Variants in KCTD5 observed in about 807,000 individuals in gnomAD.
KCTD5 encodes the protein potassium channel tetramerization domain containing 5.
A neutral mutation model predicts 27.9 loss-of-function variants in KCTD5; 12 were observed. The ratio of observed to expected loss-of-function variants is 0.43; its 90% CI spans 0.28 to 0.70. The LOEUF (loss-of-function observed/expected upper bound fraction) is 0.70. Ranked by LOEUF, KCTD5 falls within the 30% of genes least tolerant of loss-of-function variation. The pLI, the probability that KCTD5 is intolerant of heterozygous loss-of-function variation, is 0.19. For synonymous variants in KCTD5, 147 were observed against 121.4 expected, an observed-to-expected ratio of 1.21 and a Z score of -1.39; for missense variants, 226 against 274.8, an observed-to-expected ratio of 0.82 and a Z score of 1.26.
intron 3 of KCTD5, chr16:2,699,010 C>G (rs1256477945): frequency 5.0e-6 from 2 of 403,888 alleles, no homozygotes; most frequent in South Asian, 3.6e-5. Context: ...TAGCATCTCA[C>G]TGTCTTGCAG....
intron 2 of KCTD5, chr16:2,697,202 A>T (rs1049198208): frequency 6.6e-6 from 1 of 152,442 alleles, no homozygotes; most frequent in Non-Finnish European, 1.5e-5. Flanking sequence ...CTGAGCTGCC[A>T]TGTGCCATAT....
At position 2,682,534 on chromosome 16, in the gene KCTD5, G is replaced by C; in HGVS notation, c.-15G>C. 7.2e-7 allele frequency: 1 copy of C among 1,392,266 alleles called. No individual in the cohort carries two copies. Among genetic ancestry groups the C allele is most frequent in the Non-Finnish European group, 9.3e-7 (1 of 1,074,602 alleles). The allele number at this position is 1,392,266 out of a possible 1,614,324, so 86.2% of individuals were successfully genotyped here. A position where few individuals can be genotyped will look rare whatever the true frequency, so the allele number is the denominator to read the frequency against. ...CTTCCGGTGGAAGGGAGCTGTTGCG[G>C]GGCTTGCTGGGATCATGGCGGAGAA... On this transcript the variant is annotated 5_prime_UTR_variant, in exon 1 of 6. Transcript: ENST00000301738.
chr16:2,693,417 G>T (rs11642384), intron 1 of KCTD5, among the ~76,000 whole-genome samples: 14,799 of 152,310 alleles, frequency 0.097, 849 homozygotes, highest in Middle Eastern at 0.2. Context: ...GCCTCCTAAA[G>T]GGGGTGTTTA....
chr16:2,687,619 G>A lies in KCTD5; in HGVS notation c.252+4819G>A, dbSNP rs575976794. On this transcript the variant is annotated intron_variant, in intron 1 of 5. Transcript: ENST00000301738. Reference sequence around the variant, plus strand: ...GTCACGGAGTGAGGTCTAAAGCCTCGCCAGGGCTGTGGCCGTGATGGGGGC... The same window carrying A: ...GTCACGGAGTGAGGTCTAAAGCCTCACCAGGGCTGTGGCCGTGATGGGGGC... Among the ~76,000 whole-genome samples the A allele has an allele frequency of 4.6e-5, 7 of 152,350 alleles. No homozygotes were observed. The East Asian group carries it at 9.6e-4, about 21-fold the overall frequency.
intron 3 of KCTD5, among the ~76,000 whole-genome samples, chr16:2,698,446 G>A (rs941423258): frequency 6.6e-6 from 1 of 152,220 alleles, no homozygotes; most frequent in Non-Finnish European, 1.5e-5. Context: ...GAAGAGGGGC[G>A]GCTCGCCACA....
intron 3 of KCTD5, 69 bp downstream of exon 3, chr16:2,698,066 C>T (rs1429755094): frequency 1.2e-5 from 14 of 1,123,792 alleles, no homozygotes; most frequent in African/African-American, 7.8e-5. Flanking sequence ...TTTACTCCCC[C>T]GACCGGCTGC....
At position 2,695,472 on chromosome 16, in the gene KCTD5, T is replaced by C. The variant is rs1296115022; in HGVS notation, c.253-463T>C. ...AGCCCCTGTCACCCTGACCCCCGGT[T>C]CCTGCATGTAGGCTGCGGAGGACCC... On this transcript the variant is annotated intron_variant, in intron 1 of 5. Transcript: ENST00000301738. Among the ~76,000 whole-genome samples, 5 of 125,402 alleles carry C rather than the reference T, an allele frequency of 4.0e-5. 1 individual carries two copies. In the South Asian group the frequency reaches 9.8e-4, roughly 24 times the overall value. 82.3% of individuals were successfully genotyped at this position (125,402 alleles called of 152,430 possible). A position where few individuals can be genotyped will look rare whatever the true frequency, so the allele number is the denominator to read the frequency against.
chr16:2,706,640 G>A (rs989905050), intron 5 of KCTD5, among the ~76,000 whole-genome samples: 4 of 152,014 alleles, frequency 2.6e-5, no homozygotes, highest in Non-Finnish European at 4.4e-5. Context: ...GGTACCTTGA[G>A]GAAGAGTTTT....
intron 1 of KCTD5, among the ~76,000 whole-genome samples, chr16:2,688,228 A>ATAT (rs2067549785): frequency 6.7e-4 from 57 of 84,558 alleles, no homozygotes; most frequent in African/African-American, 2.1e-3. Flanking sequence ...TAAATAAATA[A>ATAT]ATATATATAT....
intron 4 of KCTD5, among the ~76,000 whole-genome samples, chr16:2,700,811 C>CCA (rs1555454848): frequency 1.3e-5 from 2 of 151,978 alleles, no homozygotes; most frequent in Admixed American, 6.6e-5. Context: ...GAGCCCCCCC[C>CCA]CCCTTAAAAT....
intron 1 of KCTD5, chr16:2,684,561 C>A (rs1187698654): frequency 6.6e-6 from 1 of 150,748 alleles, no homozygotes; most frequent in Non-Finnish European, 1.5e-5. Flanking sequence ...GTCAGGAGAT[C>A]GAGACCATCC....
intron 1 of KCTD5, among the ~76,000 whole-genome samples, chr16:2,687,384 G>A (rs1400794153): frequency 6.6e-6 from 1 of 152,232 alleles, no homozygotes; most frequent in Non-Finnish European, 1.5e-5. Flanking sequence ...GTGGCTGGGA[G>A]GAAATGCTGT....
At chr16:2,697,398 G>A in intron 2 of KCTD5, 1 of 154,740 alleles carries the variant, frequency 6.5e-6, no homozygotes, top group Non-Finnish European at 1.4e-5. Flanking sequence ...TCTTCCCTTT[G>A]AATGGGGTCA....
intron 1 of KCTD5, 98 bp downstream of exon 1, chr16:2,682,898 G>T: frequency 7.2e-7 from 1 of 1,397,528 alleles, no homozygotes. Context: ...CAGCGGGAGC[G>T]GGCGACTCTC....
chr16:2,697,433 A>G (rs1253193984), intron 2 of KCTD5, among the ~76,000 whole-genome samples: 4 of 152,234 alleles, frequency 2.6e-5, no homozygotes, highest in African/African-American at 9.6e-5. Flanking sequence ...TGACTGAGAC[A>G]TATGCACAAG....
Position 2,700,812 on chromosome 16 carries a change from C to G in KCTD5, c.549+896C>G, listed in dbSNP as rs925050348. Among the ~76,000 whole-genome samples the G allele has an allele frequency of 3.9e-5, 6 of 151,960 alleles. No individual in the cohort carries two copies. The East Asian group carries it at 5.8e-4, about 15-fold the overall frequency. On this transcript the variant is annotated intron_variant, in intron 4 of 5. Coordinates refer to ENST00000301738, the MANE Select transcript of KCTD5 (RefSeq NM_018992.4). ...TTGTAGGGTACTTGGAGCCCCCCCC[C>G]CCTTAAAATGTCACTAAAAACATTT...
Position 2,707,352 on chromosome 16 carries a change from A to C in KCTD5, c.*25A>C. On this transcript the variant is annotated 3_prime_UTR_variant, in exon 6 of 6. Coordinates refer to ENST00000301738, the MANE Select transcript of KCTD5 (RefSeq NM_018992.4). ...AGGGACACAGTATTGACAGCTGAAG[A>C]AATGATTTACGTTTTCCCGAGATGT... 1 of 1,612,934 alleles carries C rather than the reference A, an allele frequency of 6.2e-7. No homozygotes were observed. The highest frequency in any genetic ancestry group is 1.6e-4 in the Middle Eastern group (1 of 6,062).
chr16:2,684,427 C>T (rs933593506), intron 1 of KCTD5: 1 of 151,968 alleles, frequency 6.6e-6, no homozygotes. Flanking sequence ...AGGTGGATCT[C>T]GTTCAAAACC....
Position 2,686,899 on chromosome 16 carries a change from T to A in KCTD5, c.252+4099T>A, listed in dbSNP as rs116943167. ...GTCTAGTGGAGATGGCAGATGATGT[T>A]CTGTGTAGCCAGCACTGGTGAGAGC... On this transcript the variant is annotated intron_variant, in intron 1 of 5. Coordinates refer to ENST00000301738, the MANE Select transcript of KCTD5 (RefSeq NM_018992.4). Among the ~76,000 whole-genome samples the A allele has an allele frequency of 7.0e-3, 1,059 of 152,300 alleles. 54 individuals carry two copies. The East Asian group carries it at 0.12, about 18-fold the overall frequency.
Sources: allele counts gnomAD v4.1 joint callset (sites outside exome capture counted in the v4.1 genomes callset), GRCh38; gene constraint gnomAD v4.1.1; transcripts MANE v1.5; gene names NCBI Gene and HGNC (gene_info 2026-07-23, HGNC 2026-07-21).